The following FRAS1 variants were observed in gnomAD, a reference collection of about 807,000 sequenced individuals.
FRAS1 encodes extracellular matrix organizing protein FRAS1.
FRAS1 carries 290 observed loss-of-function variants against 435.2 expected under a neutral mutation model. The ratio of observed to expected loss-of-function variants is 0.67; its 90% CI spans 0.61 to 0.73. FRAS1 has a LOEUF of 0.73. Among genes scored for constraint, FRAS1 ranks in the 30% least tolerant of loss-of-function variants. FRAS1 has a pLI of 0.00. For synonymous variants in FRAS1, 1,800 were observed against 1,851.0 expected (o/e 0.97, Z 0.71); for missense variants, 4,860 against 5,001.5 (o/e 0.97, Z 0.85).
At chr4:78,420,258 T>G (rs1383459136) in intron 33 of FRAS1, among the ~76,000 whole-genome samples, 2 of 152,120 alleles carry the variant, frequency 1.3e-5, no homozygotes, top group African/African-American at 4.8e-5. Context: ...TCCAAAGAAA[T>G]TAAAAGTCTA....
chr4:78,116,975 T>C (rs1743235534), intron 2 of FRAS1, among the ~76,000 whole-genome samples: 1 of 152,254 alleles, frequency 6.6e-6, no homozygotes. Context: ...TTACCAGTTG[T>C]TCCTTTCCAT....
rs1471749636 is a variant in FRAS1, at chr4:78,543,845, T to C, written c.*2721T>C. ...CCTTGTGTGTGTTTTACTAACCTTT[T>C]ATATCTTGCCTTCAAGTGAGAAGGA... is the stretch of plus-strand genomic sequence containing the variant. On this transcript the variant is annotated 3_prime_UTR_variant, in exon 74 of 74. Coordinates refer to ENST00000512123, the MANE Select transcript of FRAS1 (RefSeq NM_025074.7). The C allele has an allele frequency of 6.6e-6, 1 of 152,384 alleles. No individual in the cohort carries two copies. Among genetic ancestry groups the C allele is most frequent in the Non-Finnish European group, 1.5e-5 (1 of 68,048 alleles). The allele number at this position is 152,384 out of a possible 1,614,324, so 9.4% of individuals were successfully genotyped here. A position where few individuals can be genotyped will look rare whatever the true frequency, so the allele number is the denominator to read the frequency against.
At chr4:78,181,633 G>A (rs1578170914) in intron 2 of FRAS1, 7 of 1,610,020 alleles carry the variant, frequency 4.3e-6, no homozygotes, top group South Asian at 2.2e-5. Flanking sequence ...GTGGCTTTTC[G>A]AATCTTCGTT....
At position 78,182,149 on chromosome 4, in the gene FRAS1, A is replaced by T. The variant is rs1040147793; in HGVS notation, c.109-55361A>T. 4.3e-4 allele frequency: 350 copies of T among 809,072 alleles called. 3 individuals are homozygous for T. The East Asian group carries it at 9.2e-3, about 21-fold the overall frequency. The allele number at this position is 809,072 out of a possible 1,614,324, so 50.1% of individuals were successfully genotyped here. On this transcript the variant is annotated intron_variant, in intron 2 of 73. Coordinates refer to ENST00000512123, the MANE Select transcript of FRAS1 (RefSeq NM_025074.7). ...CCACAAGATGGCCGGGCCAAGATGG[A>T]AGCAGGTATTTAATAATTTCACAAA...
At position 78,281,348 on chromosome 4, in the gene FRAS1, C is replaced by T. The variant is rs376997495; in HGVS notation, c.1072-50C>T. The T allele has an allele frequency of 4.5e-4, 564 of 1,261,316 alleles. 1 individual carries two copies. Among genetic ancestry groups the T allele is most frequent in the Non-Finnish European group, 5.7e-4 (512 of 896,342 alleles). 78.1% of individuals were successfully genotyped at this position (1,261,316 alleles called of 1,614,324 possible). A position where few individuals can be genotyped will look rare whatever the true frequency, so the allele number is the denominator to read the frequency against. ...CCTAATGAAAAAATAAAATAATCAGCCTAATGGTGTTTTTAGTGGCATAAT... is the reference window on the plus strand; with the variant it reads ...CCTAATGAAAAAATAAAATAATCAGTCTAATGGTGTTTTTAGTGGCATAAT... On this transcript the variant is annotated intron_variant, in intron 10 of 73. Transcript: ENST00000512123.
At chr4:78,534,655 G>T in intron 71 of FRAS1, 40 bp downstream of exon 71, 1 of 1,593,990 alleles carries the variant, frequency 6.3e-7, no homozygotes, top group Non-Finnish European at 8.6e-7. Flanking sequence ...GGCTCTGCCT[G>T]GATATGAGAA....
At chr4:78,168,761 A>G (rs1160936696) in intron 2 of FRAS1, among the ~76,000 whole-genome samples, 6 of 152,058 alleles carry the variant, frequency 3.9e-5, no homozygotes, top group African/African-American at 1.4e-4. Flanking sequence ...TAGCTTCTAA[A>G]CATTCTATCA....
At chr4:78,197,292 T>A (rs953783050) in intron 2 of FRAS1, among the ~76,000 whole-genome samples, 1 of 152,222 alleles carries the variant, frequency 6.6e-6, no homozygotes, top group African/African-American at 2.4e-5. Flanking sequence ...AATTTCTGTA[T>A]GCCTCAAAGA....
chr4:78,161,563 A>G (rs1380597504), intron 2 of FRAS1, among the ~76,000 whole-genome samples: 1 of 152,010 alleles, frequency 6.6e-6, no homozygotes, highest in Non-Finnish European at 1.5e-5. Flanking sequence ...TATTATTTCT[A>G]GATAAAGTCT....
In FRAS1 at chr4:78,189,199, A is replaced by G. The variant is rs537717182; in HGVS notation, c.109-48311A>G. 1.0e-3 allele frequency among the ~76,000 whole-genome samples: 153 copies of G among 152,308 alleles called. 1 individual carries two copies. The highest frequency in any genetic ancestry group is 1.7e-3 in the African/African-American group (71 of 41,558). ...CACATGTATGATTATATCATGTCTC[A>G]TTTAAATGCACAATTGTGGATAATA... On this transcript the variant is annotated intron_variant, in intron 2 of 73. Transcript: ENST00000512123.
chr4:78,137,437 A>T (rs1033177427), intron 2 of FRAS1, among the ~76,000 whole-genome samples: 3 of 152,240 alleles, frequency 2.0e-5, no homozygotes, highest in African/African-American at 7.2e-5. Flanking sequence ...AAAGAGAATG[A>T]TTGTATCACT....
intron 65 of FRAS1, 131 bp downstream of exon 65, chr4:78,513,683 C>T (rs1721111357): frequency 1.3e-6 from 1 of 799,532 alleles, no homozygotes; most frequent in South Asian, 1.7e-5. Flanking sequence ...GGTTTTCCTT[C>T]TAGCACACAT....
At chr4:78,413,131 C>A in intron 32 of FRAS1, 46 bp downstream of exon 32, 1 of 1,109,248 alleles carries the variant, frequency 9.0e-7, no homozygotes, top group Non-Finnish European at 1.3e-6. Flanking sequence ...AGGAGGCACA[C>A]AGCACGCTGA....
At chr4:78,148,980 G>A (rs142197207) in intron 2 of FRAS1, among the ~76,000 whole-genome samples, 1 of 152,282 alleles carries the variant, frequency 6.6e-6, no homozygotes, top group Non-Finnish European at 1.5e-5. Context: ...AAAACTTTTG[G>A]ACAAAGAGTG....
At chr4:78,485,543 C>G (rs1449793431) in intron 58 of FRAS1, among the ~76,000 whole-genome samples, 1 of 152,144 alleles carries the variant, frequency 6.6e-6, no homozygotes, top group Admixed American at 6.6e-5. Flanking sequence ...AAACCTATTT[C>G]AGTAACTCAG....
chr4:78,169,368 G>T (rs1578164299), intron 2 of FRAS1, among the ~76,000 whole-genome samples: 1 of 152,032 alleles, frequency 6.6e-6, no homozygotes, highest in East Asian at 1.9e-4. Context: ...CGCAGGGGAT[G>T]GCATTGTTAG....
chr4:78,102,967 A>G (rs375461474), intron 2 of FRAS1, among the ~76,000 whole-genome samples: 10 of 152,330 alleles, frequency 6.6e-5, no homozygotes, highest in African/African-American at 2.4e-4. Context: ...GTATATCAGT[A>G]TCCACCTCTG....
chr4:78,438,131 A>C (rs1045035504), intron 38 of FRAS1, among the ~76,000 whole-genome samples: 2 of 152,314 alleles, frequency 1.3e-5, no homozygotes, highest in East Asian at 3.9e-4. Context: ...TATGTTATAA[A>C]GAAATTTTGC....
At chr4:78,463,716 A>G (rs1449715525) in intron 47 of FRAS1, among the ~76,000 whole-genome samples, 2 of 152,234 alleles carry the variant, frequency 1.3e-5, no homozygotes, top group African/African-American at 4.8e-5. Flanking sequence ...CAATGGCTCT[A>G]CCTTTCACAA....
Sources: allele counts gnomAD v4.1 joint callset (sites outside exome capture counted in the v4.1 genomes callset), GRCh38; gene constraint gnomAD v4.1.1; transcripts MANE v1.5; gene names NCBI Gene and HGNC (gene_info 2026-07-23, HGNC 2026-07-21).